The following KRTCAP3 variants were observed in gnomAD, a reference collection of about 807,000 sequenced individuals.
KRTCAP3 encodes the protein keratinocyte associated protein 3.
A neutral mutation model predicts 20.5 loss-of-function variants in KRTCAP3; 18 were observed. The ratio of observed to expected loss-of-function variants is 0.88; its 90% CI spans 0.61 to 1.31. The LOEUF (loss-of-function observed/expected upper bound fraction) is 1.31. KRTCAP3 is among the 50% of genes most tolerant of loss of function. KRTCAP3 has a pLI of 0.00. For synonymous variants in KRTCAP3, 167 were observed against 133.7 expected, an observed-to-expected ratio of 1.25 and a Z score of -1.72; for missense variants, 347 against 310.4, an observed-to-expected ratio of 1.12 and a Z score of -0.89.
In KRTCAP3 at chr2:27,442,420, G is replaced by C. The variant is rs199526609; in HGVS notation, c.8G>C (p.Arg3Pro). The change falls in exon 1 of 7, where the codon CGC becomes CCC. Residue 3 changes from arginine (R) to proline (P), a missense_variant. Arg to Pro is a moderately radical substitution (Grantham distance 103). Coordinates refer to ENST00000288873, the MANE Select transcript of KRTCAP3 (RefSeq NM_173853.4). ...GCTGGCGCGGCGGACGGGATGAGGC[G>C]CTGCAGTCTCTGCGCTTTCGGTAAC... Reference protein sequence around the residue: MRRCSLCAFDAAR... With the variant: MRPCSLCAFDAAR... The C allele has an allele frequency of 6.4e-7, 1 of 1,564,718 alleles. No homozygotes were observed. Among genetic ancestry groups the C allele is most frequent in the African/African-American group, 1.4e-5 (1 of 73,368 alleles).
rs1664685336 is a variant in KRTCAP3 at position 27,442,708 on chromosome 2, C to T, written c.158C>T (p.Ala53Val). The T allele has an allele frequency of 6.3e-7, 1 of 1,594,986 alleles. No homozygotes were observed. The highest frequency in any genetic ancestry group is 1.3e-5 in the African/African-American group (1 of 74,302). ...VLRHVANPRGAVTPEYTVANV... is the reference protein window; with the variant it reads ...VLRHVANPRGVVTPEYTVANV... ...CGGCACGTGGCCAATCCCCGCGGCG[C>T]TGTCACGCCGGAGTACACCGTAGCC... is the stretch of plus-strand genomic sequence containing the variant. The change falls in exon 2 of 7, where the codon GCT becomes GTT. Residue 53 changes from alanine to valine, a missense_variant. By Grantham distance (64) the Ala-to-Val change is moderately conservative. Transcript: ENST00000288873.
chr2:27,443,303 T>C lies in KRTCAP3; in HGVS notation c.480+23T>C, dbSNP rs772517059. ...TATGTGAGCACATTCTCTTCCTTCT[T>C]GTGGTCTACAAAGCCTTGGTCCTGC... On this transcript the variant is annotated intron_variant, in intron 4 of 6. Coordinates refer to ENST00000288873, the MANE Select transcript of KRTCAP3 (RefSeq NM_173853.4). The C allele has an allele frequency of 3.7e-6, 6 of 1,613,792 alleles. No individual in the cohort carries two copies. In the South Asian group the frequency reaches 5.5e-5, roughly 15 times the overall value.
Position 27,443,467 on chromosome 2 carries a change from T to G in KRTCAP3, c.550T>G (p.Cys184Gly). The G allele has an allele frequency of 1.1e-5, 17 of 1,614,166 alleles. No individual in the cohort carries two copies. Among genetic ancestry groups the G allele is most frequent in the Non-Finnish European group, 1.4e-5 (16 of 1,179,994 alleles). ...AGGGGAGGCTGCTCTATCTGGTTAC[T>G]GCTGTGTGGCTGCACTCACTCTACG... ...SAGEAALSGYCCVAALTLRGV... is the reference protein window; with the variant it reads ...SAGEAALSGYGCVAALTLRGV... The change falls in exon 5 of 7, where the codon TGC becomes GGC. Residue 184 changes from cysteine to glycine, a missense_variant. Cys to Gly is a radical substitution (Grantham distance 159). Transcript: ENST00000288873.
At chr2:27,445,140 G>A (rs1162348400), downstream of KRTCAP3, 1 of 1,611,958 alleles carries the variant, frequency 6.2e-7, no homozygotes, top group South Asian at 1.1e-5. This position sits in a 1 kb window ranked among gnomAD's most constrained non-coding sequence, Gnocchi z 4.4. Context: ...ACTGGGGTTT[G>A]AGAGAGATTG....
intron 5 of KRTCAP3, 131 bp downstream of exon 5, chr2:27,443,663 G>T: frequency 2.1e-6 from 2 of 939,478 alleles, no homozygotes; most frequent in Non-Finnish European, 3.2e-6. Flanking sequence ...CGGATCACTT[G>T]AGGTCAGGAG....
rs551515888 is a variant in KRTCAP3, at chr2:27,443,330, C to T, written c.480+50C>T. The T allele has an allele frequency of 1.1e-5, 18 of 1,613,376 alleles. No homozygotes were observed. In the African/African-American group the frequency reaches 2.3e-4, roughly 20 times the overall value. On this transcript the variant is annotated intron_variant, in intron 4 of 6. Transcript: ENST00000288873. ...TGGTCTACAAAGCCTTGGTCCTGCC[C>T]TTTTAATTTCCCCTATTTGCTGCAC...
At position 27,444,060 on chromosome 2, in the gene KRTCAP3, A is replaced by G. The variant is rs1054513596; in HGVS notation, c.*4A>G. Reference sequence around the variant, plus strand: ...ATCACAGAGAAGTTGGGTTTAGGACAGGTAATGGGCCTTGAAGGTGGTGGC... The same window carrying G: ...ATCACAGAGAAGTTGGGTTTAGGACGGGTAATGGGCCTTGAAGGTGGTGGC... On this transcript the variant is annotated splice_region_variant and 3_prime_UTR_variant, in exon 6 of 7. Transcript: ENST00000288873. 6.4e-7 allele frequency: 1 copy of G among 1,572,112 alleles called. No individual in the cohort carries two copies. Among genetic ancestry groups the G allele is most frequent in the Middle Eastern group, 1.7e-4 (1 of 5,970 alleles).
Position 27,444,124 on chromosome 2 carries a change from G to A in KRTCAP3, c.*6-62G>A. On this transcript the variant is annotated intron_variant, in intron 6 of 6. Coordinates refer to ENST00000288873, the MANE Select transcript of KRTCAP3 (RefSeq NM_173853.4). Reference sequence around the variant, plus strand: ...GGGACAAGGAAGTGCTCTTAGAACTGGGTCTAGGTCTTGCCATGCTGCTTT... The same window carrying A: ...GGGACAAGGAAGTGCTCTTAGAACTAGGTCTAGGTCTTGCCATGCTGCTTT... The A allele has an allele frequency of 3.1e-6, 3 of 978,808 alleles. No individual in the cohort carries two copies. In the South Asian group the frequency reaches 4.0e-5, roughly 13 times the overall value. 60.6% of individuals were successfully genotyped at this position (978,808 alleles called of 1,614,324 possible).
chr2:27,446,463 A>C, downstream of KRTCAP3: 1 of 934,714 alleles, frequency 1.1e-6, no homozygotes, highest in South Asian at 1.5e-5. Flanking sequence ...ATTATTATTA[A>C]ACTGCTCTGG....
Position 27,443,950 on chromosome 2 carries a change from T to C in KRTCAP3, c.617T>C (p.Leu206Pro). 6.4e-7 allele frequency: 1 copy of C among 1,559,776 alleles called. No homozygotes were observed. Among genetic ancestry groups the C allele is most frequent in the Non-Finnish European group, 8.8e-7 (1 of 1,130,464 alleles). ...PCRKDGLQGQLEEMTELESPK... is the reference protein window; with the variant it reads ...PCRKDGLQGQPEEMTELESPK... Reference sequence around the variant, plus strand: ...GTCTAACTCTATCTTCTTCTGCAGCTAGAGGAAATGACAGAGCTTGAATCT... The same window carrying C: ...GTCTAACTCTATCTTCTTCTGCAGCCAGAGGAAATGACAGAGCTTGAATCT... The change falls in exon 6 of 7, where the codon CTA (leucine) becomes CCA (proline). Residue 206 changes from leucine (L) to proline (P), a missense_variant and splice_region_variant. Transcript: ENST00000288873.
chr2:27,445,829 C>T, downstream of KRTCAP3: 2 of 1,614,168 alleles, frequency 1.2e-6, no homozygotes, highest in Non-Finnish European at 1.7e-6. This position sits in a 1 kb window ranked among gnomAD's most constrained non-coding sequence, Gnocchi z 4.4. Flanking sequence ...CATCTAGAGT[C>T]CCTTCCTCGA....
At position 27,442,701 on chromosome 2, in the gene KRTCAP3, C is replaced by T. The variant is rs1453364509; in HGVS notation, c.151C>T (p.Arg51Cys). The T allele has an allele frequency of 6.3e-7, 1 of 1,592,238 alleles. No individual in the cohort carries two copies. The highest frequency in any genetic ancestry group is 1.7e-5 in the Admixed American group (1 of 57,558). ...GTVLRHVANP[R>C]GAVTPEYTVA... ...CGTCCTGCGGCACGTGGCCAATCCC[C>T]GCGGCGCTGTCACGCCGGAGTACAC... Residue 51 changes from arginine to cysteine, a missense_variant, in exon 2 of 7, where the codon CGC becomes TGC. Arg to Cys is a radical substitution (Grantham distance 180). Coordinates refer to ENST00000288873, the MANE Select transcript of KRTCAP3 (RefSeq NM_173853.4).
At chr2:27,446,005 T>C (rs753517897), downstream of KRTCAP3, 7 of 1,613,724 alleles carry the variant, frequency 4.3e-6, no homozygotes, top group South Asian at 1.1e-5. Flanking sequence ...CAAAGAAGAG[T>C]TGCAAATGGG....
chr2:27,443,370 C>T (rs1160884082), intron 4 of KRTCAP3, 28 bp from the exon 5 acceptor site: 3 of 1,614,014 alleles, frequency 1.9e-6, no homozygotes, highest in Non-Finnish European at 1.7e-6. Flanking sequence ...CCTACTCCCT[C>T]CTACTCCCCA....
chr2:27,444,368 T>C, downstream of KRTCAP3: 1 of 985,402 alleles, frequency 1.0e-6, no homozygotes, highest in African/African-American at 1.6e-5. Flanking sequence ...AAGAATACAG[T>C]GGTCTCAATT....
At position 27,442,764 on chromosome 2, in the gene KRTCAP3, G is replaced by C; in HGVS notation, c.213+1G>C. 1 of 1,609,964 alleles carries C rather than the reference G, an allele frequency of 6.2e-7. No individual in the cohort carries two copies. Among genetic ancestry groups the C allele is most frequent in the Non-Finnish European group, 8.5e-7 (1 of 1,178,698 alleles). ...CATCTCTGTCGGCTCGGGGCTGCTG[G>C]TGAGCGCGGCAGGCGACCCGGGCGG... is the stretch of plus-strand genomic sequence containing the variant. On this transcript the variant is annotated splice_donor_variant, in intron 2 of 6. Coordinates refer to ENST00000288873, the MANE Select transcript of KRTCAP3 (RefSeq NM_173853.4). LOFTEE classifies it high-confidence loss of function.
downstream of KRTCAP3, chr2:27,445,152 G>A: frequency 2.5e-6 from 4 of 1,609,592 alleles, no homozygotes; most frequent in Non-Finnish European, 3.4e-6. This position sits in a 1 kb window ranked among gnomAD's most constrained non-coding sequence, Gnocchi z 4.4. Flanking sequence ...GAGAGATTGA[G>A]GAGGGAAAAA....
rs1558344561 is a variant in KRTCAP3, at chr2:27,443,155, C to CT, written c.356dup (p.Thr120HisfsTer12). On this transcript the variant is annotated frameshift_variant, in exon 4 of 7. Coordinates refer to ENST00000288873, the MANE Select transcript of KRTCAP3 (RefSeq NM_173853.4). LOFTEE classifies it high-confidence loss of function. ...CCTGGGCCTCCTTCTTGCTGTGTCA[C>CT]TCACTGTGGCCAACGGTGGCCGCCG... is the stretch of plus-strand genomic sequence containing the variant. 1 of 1,614,172 alleles carries CT rather than the reference C, an allele frequency of 6.2e-7. No individual in the cohort carries two copies. The highest frequency in any genetic ancestry group is 1.7e-5 in the Admixed American group (1 of 60,030).
chr2:27,444,180 G>T lies in KRTCAP3; in HGVS notation c.*6-6G>T. The T allele has an allele frequency of 1.4e-6, 1 of 711,826 alleles. No homozygotes were observed. The highest frequency in any genetic ancestry group is 1.7e-5 in the South Asian group (1 of 59,156). 44.1% of individuals were successfully genotyped at this position (711,826 alleles called of 1,614,324 possible). ...CTGACCTGGGTTGGTTCTCCCCTCT[G>T]TCCAGCAGGTGCTGTTCCGAGACTC... On this transcript the variant is annotated splice_region_variant and splice_polypyrimidine_tract_variant and intron_variant, in intron 6 of 6. Transcript: ENST00000288873.
Sources: gnomAD v4.1 joint callset for allele counts on GRCh38, gnomAD v4.1.1 for gene constraint, Gnocchi (gnomAD v3.1) non-coding constraint, MANE v1.5 for transcripts, NCBI Gene and HGNC (gene_info 2026-07-23, HGNC 2026-07-21) for gene names.